Variants in ALK observed in about 807,000 individuals in gnomAD.
ALK encodes the protein ALK receptor tyrosine kinase.
ALK carries 74 observed loss-of-function variants against 163.1 expected under a neutral mutation model. The ratio of observed to expected loss-of-function variants is 0.45; its 90% CI spans 0.38 to 0.55. The LOEUF is 0.55. Among genes scored for constraint, ALK ranks in the 20% least tolerant of loss-of-function variants. The probability of loss-of-function intolerance (pLI) is 0.00; values close to 1 mark genes in which losing one functional copy is unlikely to be tolerated. For synonymous variants in ALK, 960 were observed against 843.2 expected (o/e 1.14, Z -2.40); for missense variants, 2,063 against 2,105.3 (o/e 0.98, Z 0.39).
intron 4 of ALK, among the ~76,000 whole-genome samples, chr2:29,478,453 CAG>C (rs1419171220): frequency 6.6e-6 from 1 of 152,248 alleles, no homozygotes; most frequent in African/African-American, 2.4e-5. Flanking sequence ...TATATGGAAA[CAG>C]AGCCTTGGAC....
chr2:29,707,054 A>G (rs1307840817), intron 2 of ALK, among the ~76,000 whole-genome samples: 1 of 144,726 alleles, frequency 6.9e-6, no homozygotes, highest in South Asian at 2.2e-4. Flanking sequence ...CTCTAACAGA[A>G]TGAAGCAGGC....
intron 5 of ALK, among the ~76,000 whole-genome samples, chr2:29,336,043 C>A (rs979855434): frequency 2.6e-5 from 4 of 151,996 alleles, no homozygotes; most frequent in Non-Finnish European, 5.9e-5. Flanking sequence ...TCTCAAAAAA[C>A]AAACAAACAA....
intron 1 of ALK, among the ~76,000 whole-genome samples, chr2:29,809,044 C>T (rs1394757694): frequency 1.3e-5 from 2 of 152,166 alleles, no homozygotes; most frequent in African/African-American, 2.4e-5. Context: ...TTCACCAAAC[C>T]AGTGGAATAA....
chr2:29,761,588 G>A (rs1003074776), intron 1 of ALK, among the ~76,000 whole-genome samples: 2 of 152,244 alleles, frequency 1.3e-5, no homozygotes, highest in African/African-American at 4.8e-5. Flanking sequence ...GAAATGTTCA[G>A]TGGAATTTAA....
At position 29,486,418 on chromosome 2, in the gene ALK, G is replaced by C. The variant is rs1337899062; in HGVS notation, c.1154+45497C>G. Among the ~76,000 whole-genome samples the C allele has an allele frequency of 9.2e-5, 14 of 152,254 alleles. No individual in the cohort carries two copies. The East Asian group carries it at 2.7e-3, about 29-fold the overall frequency. On this transcript the variant is annotated intron_variant, in intron 4 of 28. Coordinates refer to ENST00000389048, the MANE Select transcript of ALK (RefSeq NM_004304.5). ...GCTTCATAAATGTTAAAGAGAAAAT[G>C]AAGTAAGCTTCTCTGGGCATTTTTC...
At chr2:29,826,810 A>G (rs908791308) in intron 1 of ALK, among the ~76,000 whole-genome samples, 2 of 152,170 alleles carry the variant, frequency 1.3e-5, no homozygotes, top group Admixed American at 6.5e-5. Context: ...CATGTGGTTT[A>G]TTTGCCATAA....
intron 1 of ALK, among the ~76,000 whole-genome samples, chr2:29,778,571 G>C (rs1358903791): frequency 2.6e-5 from 4 of 152,216 alleles, no homozygotes; most frequent in African/African-American, 7.2e-5. Context: ...ATGTGTGCAA[G>C]TGTGTGTGCA....
At chr2:29,597,544 G>A (rs1426138584) in intron 3 of ALK, among the ~76,000 whole-genome samples, 2 of 152,122 alleles carry the variant, frequency 1.3e-5, no homozygotes, top group East Asian at 1.9e-4. Context: ...TTCCTAACAG[G>A]AAAGGTGACT....
intron 3 of ALK, among the ~76,000 whole-genome samples, chr2:29,542,087 T>G (rs963114247): frequency 6.6e-6 from 1 of 152,228 alleles, no homozygotes; most frequent in Non-Finnish European, 1.5e-5. Flanking sequence ...TGCACATTAA[T>G]AAATTGGTGT....
chr2:29,404,119 C>G (rs973410330), intron 4 of ALK, among the ~76,000 whole-genome samples: 2 of 151,952 alleles, frequency 1.3e-5, no homozygotes, highest in African/African-American at 4.8e-5. Flanking sequence ...GCCTGGCCAA[C>G]ATGGTGAAAC....
At chr2:29,893,031 T>A (rs1327362990) in intron 1 of ALK, among the ~76,000 whole-genome samples, 1 of 152,232 alleles carries the variant, frequency 6.6e-6, no homozygotes, top group Non-Finnish European at 1.5e-5. Flanking sequence ...TGCCTTGCGC[T>A]GGCCATAATG....
At chr2:29,910,677 G>A (rs189788431) in intron 1 of ALK, among the ~76,000 whole-genome samples, 1 of 152,282 alleles carries the variant, frequency 6.6e-6, no homozygotes, top group African/African-American at 2.4e-5. Flanking sequence ...TGGAAATAAT[G>A]CAAACCATGT....
intron 4 of ALK, among the ~76,000 whole-genome samples, chr2:29,527,687 T>A (rs1379613425): frequency 1.3e-5 from 2 of 152,018 alleles, no homozygotes; most frequent in Non-Finnish European, 2.9e-5. Context: ...AAAAATATAT[T>A]TTTTTTGTAG....
At chr2:29,338,782 C>T (rs1667701276) in intron 5 of ALK, among the ~76,000 whole-genome samples, 1 of 152,240 alleles carries the variant, frequency 6.6e-6, no homozygotes, top group Admixed American at 6.5e-5. Context: ...CAAACCAGAT[C>T]ACCGAGTTTC....
intron 1 of ALK, among the ~76,000 whole-genome samples, chr2:29,814,502 TA>T (rs1453221593): frequency 6.6e-6 from 1 of 151,580 alleles, no homozygotes; most frequent in Non-Finnish European, 1.5e-5. Context: ...CTACTAAAAA[TA>T]CAAAAAATTA....
chr2:29,656,477 T>TGTTGAAA (rs1419787073), intron 3 of ALK, among the ~76,000 whole-genome samples: 1 of 152,186 alleles, frequency 6.6e-6, no homozygotes, highest in African/African-American at 2.4e-5. Flanking sequence ...TGAAAGCAAA[T>TGTTGAAA]GCTAATATCT....
At chr2:29,737,046 G>A (rs1267404136) in intron 1 of ALK, among the ~76,000 whole-genome samples, 1 of 152,008 alleles carries the variant, frequency 6.6e-6, no homozygotes, top group Non-Finnish European at 1.5e-5. Context: ...TATACTTTGG[G>A]CATCCTTAAA....
intron 5 of ALK, among the ~76,000 whole-genome samples, chr2:29,381,015 T>C (rs1374060017): frequency 6.6e-6 from 1 of 152,234 alleles, no homozygotes; most frequent in Non-Finnish European, 1.5e-5. Flanking sequence ...GAGTCAAAGA[T>C]GATGCTAAGG....
chr2:29,731,686 C>T (rs1243141787), intron 1 of ALK, among the ~76,000 whole-genome samples: 3 of 152,202 alleles, frequency 2.0e-5, no homozygotes, highest in Admixed American at 6.5e-5. Flanking sequence ...GAAAATATTT[C>T]CTCAAATCCT....
Sources: allele counts gnomAD v4.1 joint callset (sites outside exome capture counted in the v4.1 genomes callset), GRCh38; gene constraint gnomAD v4.1.1; transcripts MANE v1.5; gene names NCBI Gene and HGNC (gene_info 2026-07-23, HGNC 2026-07-21).